Variants in SEC24B observed in about 807,000 individuals in gnomAD.
SEC24B encodes protein transport protein Sec24B.
In SEC24B, 45 loss-of-function variants were observed where a neutral mutation model predicts 142.8. That is an observed-to-expected ratio of 0.32 (90% CI 0.25 to 0.40). The LOEUF (loss-of-function observed/expected upper bound fraction) is 0.40, where lower values mean the gene tolerates loss of function less well. SEC24B is among the 10% of genes least tolerant of loss of function. SEC24B has a pLI of 1.00. For missense variants in SEC24B, 1,409 were observed against 1,526.8 expected, an observed-to-expected ratio of 0.92 and a Z score of 1.29; for synonymous variants, 574 against 568.2, an observed-to-expected ratio of 1.01 and a Z score of -0.15.
intron 1 of SEC24B, among the ~76,000 whole-genome samples, chr4:109,435,926 G>A (rs1163492550): frequency 1.3e-5 from 2 of 152,176 alleles, no homozygotes; most frequent in Non-Finnish European, 2.9e-5. Context: ...GTTACAGCAT[G>A]AACTAAAGTT....
intron 5 of SEC24B, 32 bp from the exon 6 acceptor site, chr4:109,494,583 A>C: frequency 6.2e-7 from 1 of 1,610,496 alleles, no homozygotes; most frequent in Non-Finnish European, 8.5e-7. Context: ...CTTGATTTTC[A>C]GTTGTTAACA....
At chr4:109,467,693 A>C (rs1732098055) in intron 2 of SEC24B, among the ~76,000 whole-genome samples, 1 of 152,224 alleles carries the variant, frequency 6.6e-6, no homozygotes, top group Non-Finnish European at 1.5e-5. Flanking sequence ...CATACTTTTA[A>C]AAATTAGCAA....
chr4:109,523,739 T>C (rs1723915382), intron 14 of SEC24B, among the ~76,000 whole-genome samples: 1 of 152,218 alleles, frequency 6.6e-6, no homozygotes, highest in South Asian at 2.1e-4. Flanking sequence ...TGCCTTAGGA[T>C]AAATTCCTAG....
intron 4 of SEC24B, among the ~76,000 whole-genome samples, chr4:109,483,088 A>T (rs934777114): frequency 1.4e-5 from 2 of 143,744 alleles, no homozygotes; most frequent in African/African-American, 5.1e-5. Flanking sequence ...GTATATATAT[A>T]TATTTTTTTG....
chr4:109,516,898 C>G (rs546658028), intron 11 of SEC24B, among the ~76,000 whole-genome samples: 2 of 152,196 alleles, frequency 1.3e-5, no homozygotes, highest in African/African-American at 2.4e-5. Flanking sequence ...CTCAGCCAAT[C>G]TGAACACAGG....
chr4:109,535,844 T>A (rs1280527977), intron 22 of SEC24B, among the ~76,000 whole-genome samples: 2 of 148,860 alleles, frequency 1.3e-5, no homozygotes, highest in Non-Finnish European at 3.0e-5. Context: ...AGAGCAAGAC[T>A]CCGTCTCAAA....
rs144453883 is a variant in SEC24B at position 109,463,579 on chromosome 4, A to C, written c.812A>C (p.Gln271Pro). 4.5e-4 allele frequency: 725 copies of C among 1,614,162 alleles called. 4 individuals are homozygous for C. The East Asian group carries it at 0.012, about 26-fold the overall frequency. Residue 271 changes from glutamine (Q) to proline (P), a missense_variant, in exon 2 of 24, where the codon CAA becomes CCA. Gln to Pro is a moderately conservative substitution (Grantham distance 76, BLOSUM62 -1). Coordinates refer to ENST00000265175, the MANE Select transcript of SEC24B (RefSeq NM_006323.5). ...TCATCTCCAGGCCTTCCATCGACTC[A>C]AGACAATCTCATCCGAAACCACACA... Reference protein sequence around the residue: ...TWSSPGLPSTQDNLIRNHTGS... With the variant: ...TWSSPGLPSTPDNLIRNHTGS...
chr4:109,437,423 A>G (rs1728506001), intron 1 of SEC24B, among the ~76,000 whole-genome samples: 1 of 151,992 alleles, frequency 6.6e-6, no homozygotes, highest in Non-Finnish European at 1.5e-5. Flanking sequence ...AGCTAGGACT[A>G]TAGGCATGCA....
chr4:109,438,345 A>G (rs1038156058), intron 1 of SEC24B, among the ~76,000 whole-genome samples: 9 of 151,996 alleles, frequency 5.9e-5, no homozygotes, highest in African/African-American at 1.9e-4. Context: ...ACAGAATCTC[A>G]CTCTGTCACC....
intron 11 of SEC24B, among the ~76,000 whole-genome samples, chr4:109,518,832 AG>A (rs1262619919): frequency 1.5e-5 from 2 of 132,640 alleles, no homozygotes; most frequent in African/African-American, 5.9e-5. Flanking sequence ...TTTGAGACAG[AG>A]GCTTGCTCTG....
chr4:109,453,877 G>T (rs566053756), intron 1 of SEC24B, among the ~76,000 whole-genome samples: 2 of 152,302 alleles, frequency 1.3e-5, no homozygotes, highest in East Asian at 3.9e-4. Flanking sequence ...TCCCGCAACA[G>T]ACGGAGTTTC....
At chr4:109,437,473 A>G (rs182396183) in intron 1 of SEC24B, among the ~76,000 whole-genome samples, 29 of 151,968 alleles carry the variant, frequency 1.9e-4, no homozygotes, top group African/African-American at 7.0e-4. Flanking sequence ...TTATTTTTGT[A>G]GAGACTGAGT....
At chr4:109,528,096 A>G (rs1724462088) in intron 18 of SEC24B, among the ~76,000 whole-genome samples, 1 of 152,144 alleles carries the variant, frequency 6.6e-6, no homozygotes, top group African/African-American at 2.4e-5. Context: ...AAAAGAAGCT[A>G]GACTCAAAAA....
At chr4:109,497,565 T>C (rs1236340120) in intron 6 of SEC24B, among the ~76,000 whole-genome samples, 3 of 152,190 alleles carry the variant, frequency 2.0e-5, no homozygotes, top group Non-Finnish European at 4.4e-5. Flanking sequence ...CTTTTTTTTT[T>C]TTTTACATAA....
chr4:109,530,215 G>A lies in SEC24B; in HGVS notation c.3077-74G>A, dbSNP rs138252971. 95 of 1,281,028 alleles carry A rather than the reference G, an allele frequency of 7.4e-5. 2 individuals are homozygous for A. The highest frequency in any genetic ancestry group is 5.2e-4 in the South Asian group (27 of 52,112). The allele number at this position is 1,281,028 out of a possible 1,614,324, so 79.4% of individuals were successfully genotyped here. A position where few individuals can be genotyped will look rare whatever the true frequency, so the allele number is the denominator to read the frequency against. On this transcript the variant is annotated intron_variant, in intron 18 of 23. Transcript: ENST00000265175. Reference sequence around the variant, plus strand: ...CTGAATTTTGTTTCTTAAATAATGCGTATAAATTTTCTCTCTTATAGTGCC... The same window carrying A: ...CTGAATTTTGTTTCTTAAATAATGCATATAAATTTTCTCTCTTATAGTGCC...
rs749299814 is a variant in SEC24B at position 109,510,060 on chromosome 4, T to G, written c.1725T>G (p.Asn575Lys). ...TNIPQTQALL[N>K]KAKLPLGLLL... ...TTCCACAGACACAGGCTTTACTGAATAAAGCTAAGCTTCCTTTAGGATTGT... is the reference window on the plus strand; with the variant it reads ...TTCCACAGACACAGGCTTTACTGAAGAAAGCTAAGCTTCCTTTAGGATTGT... Residue 575 changes from asparagine (N) to lysine (K), a missense_variant, in exon 8 of 24, where the codon AAT becomes AAG. Asn to Lys is a moderately conservative substitution (Grantham distance 94). Around this residue, in one of 2 missense-constraint regions of SEC24B, gnomAD observed 700 missense variants for 853.3 expected, o/e 0.82. Transcript: ENST00000265175. 5.6e-6 allele frequency: 9 copies of G among 1,610,572 alleles called. No individual in the cohort carries two copies. In the East Asian group the frequency reaches 2.0e-4, roughly 36 times the overall value.
chr4:109,452,576 C>T (rs894114467), intron 1 of SEC24B, among the ~76,000 whole-genome samples: 15 of 152,316 alleles, frequency 9.8e-5, no homozygotes, highest in African/African-American at 2.9e-4. Context: ...CACATCTTTG[C>T]CAGCATTTGA....
chr4:109,434,953 TCTC>T (rs1196818634), intron 1 of SEC24B, among the ~76,000 whole-genome samples: 1 of 152,192 alleles, frequency 6.6e-6, no homozygotes, highest in African/African-American at 2.4e-5. Context: ...GTGGAGGAAT[TCTC>T]CTTACAGACT....
At chr4:109,509,256 A>G (rs1193555955) in intron 7 of SEC24B, among the ~76,000 whole-genome samples, 1 of 152,240 alleles carries the variant, frequency 6.6e-6, no homozygotes, top group Non-Finnish European at 1.5e-5. Context: ...GGCTGGAATA[A>G]ATAGATATCT....
Sources: allele counts gnomAD v4.1 joint callset (sites outside exome capture counted in the v4.1 genomes callset), GRCh38; gene constraint gnomAD v4.1.1; regional missense constraint gnomAD v4.1.1; transcripts MANE v1.5; gene names NCBI Gene and HGNC (gene_info 2026-07-23, HGNC 2026-07-21).